IL1RAPL1: variants seen among roughly 807,000 people sequenced by gnomAD.
IL1RAPL1 encodes interleukin 1 receptor accessory protein like 1.
In IL1RAPL1, 3 loss-of-function variants were observed where a neutral mutation model predicts 48.4. The ratio of observed to expected loss-of-function variants is 0.06; its 90% CI spans 0.03 to 0.16. The LOEUF is 0.16. IL1RAPL1 is among the 10% of genes least tolerant of loss of function. IL1RAPL1 has a pLI of 1.00. For synonymous variants in IL1RAPL1, 185 were observed against 187.7 expected (o/e 0.99, Z 0.12); for missense variants, 349 against 530.6 (o/e 0.66, Z 3.36).
At chrX:29,735,278 T>G (rs752980064) in intron 6 of IL1RAPL1, among the ~76,000 whole-genome samples, 4 of 111,701 alleles carry the variant, frequency 3.6e-5, no homozygotes, top group African/African-American at 1.3e-4. Flanking sequence ...TGCATCTCTC[T>G]GACACTGACT....
In IL1RAPL1 at chrX:28,662,078, T is replaced by A. The variant is rs1008602513; in HGVS notation, c.-25+74031T>A. On this transcript the variant is annotated intron_variant, in intron 1 of 10. Transcript: ENST00000378993. ...TCTTTGCTCCTTCAGGTGTTAACCTTTTTTTTTTAGATGGTGGTTGATTGC... is the reference window on the plus strand; with the variant it reads ...TCTTTGCTCCTTCAGGTGTTAACCTATTTTTTTTAGATGGTGGTTGATTGC... 3.6e-3 allele frequency among the ~76,000 whole-genome samples: 394 copies of A among 108,844 alleles called. 1 individual carries two copies. The highest frequency in any genetic ancestry group is 0.012 in the African/African-American group (348 of 30,029). The allele number at this position is 108,844 out of a possible 115,157, so 94.5% of individuals were successfully genotyped here.
chrX:28,777,978 T>TG lies in IL1RAPL1; in HGVS notation c.-24-11339dup, dbSNP rs756617102. ...AATTTTAAGAAACAGTATTATTGCT[T>TG]GGGCCTTTGCTTTTCAAAAGTGTGG... On this transcript the variant is annotated intron_variant, in intron 1 of 10. Transcript: ENST00000378993. 2.2e-4 allele frequency among the ~76,000 whole-genome samples: 25 copies of TG among 111,589 alleles called. No homozygotes were observed. In the East Asian group the frequency reaches 7.1e-3, roughly 32 times the overall value.
chrX:29,579,096 A>C (rs1922874612), intron 5 of IL1RAPL1, among the ~76,000 whole-genome samples: 1 of 111,882 alleles, frequency 8.9e-6, no homozygotes, highest in African/African-American at 3.3e-5. Context: ...TGATGGAAAC[A>C]GTTTCCAGGA....
At chrX:29,789,055 T>G (rs1929570645) in intron 6 of IL1RAPL1, among the ~76,000 whole-genome samples, 1 of 112,173 alleles carries the variant, frequency 8.9e-6, no homozygotes, top group Admixed American at 9.4e-5. Context: ...TCTTACTACA[T>G]TTGCATATGC....
At chrX:29,412,362 G>T (rs909213695) in intron 5 of IL1RAPL1, among the ~76,000 whole-genome samples, 4 of 112,034 alleles carry the variant, frequency 3.6e-5, no homozygotes, top group Admixed American at 9.5e-5. Flanking sequence ...CAAGCACCAT[G>T]TGTCCACTGA....
chrX:29,430,293 C>A (rs767942982), intron 5 of IL1RAPL1, among the ~76,000 whole-genome samples: 7 of 111,129 alleles, frequency 6.3e-5, no homozygotes, highest in East Asian at 2.8e-4. Flanking sequence ...TCTTGGAGAG[C>A]AAGTGCTGTG....
intron 5 of IL1RAPL1, among the ~76,000 whole-genome samples, chrX:29,555,282 A>G (rs1188180201): frequency 1.8e-5 from 2 of 112,665 alleles, no homozygotes; most frequent in Non-Finnish European, 3.8e-5. Context: ...TGTTTGACCT[A>G]CAGAGATATT....
chrX:29,504,349 A>G (rs1423828173), intron 5 of IL1RAPL1, among the ~76,000 whole-genome samples: 1 of 111,413 alleles, frequency 9.0e-6, no homozygotes, highest in Non-Finnish European at 1.9e-5. Flanking sequence ...AGATAGCCCT[A>G]TTTGGTTTAG....
At chrX:29,206,013 G>C in intron 2 of IL1RAPL1, among the ~76,000 whole-genome samples, 1 of 110,887 alleles carries the variant, frequency 9.0e-6, no homozygotes, top group Non-Finnish European at 1.9e-5. Context: ...TGCATGCTGG[G>C]ATTATAGGCG....
At chrX:28,731,639 A>G (rs1601878233) in intron 1 of IL1RAPL1, among the ~76,000 whole-genome samples, 1 of 111,182 alleles carries the variant, frequency 9.0e-6, no homozygotes, top group East Asian at 2.8e-4. Flanking sequence ...GAGACAGGCA[A>G]AGTCCTAGAT....
chrX:28,841,891 T>C (rs1417557158), intron 2 of IL1RAPL1, among the ~76,000 whole-genome samples: 1 of 110,837 alleles, frequency 9.0e-6, no homozygotes, highest in Non-Finnish European at 1.9e-5. Context: ...TAAGTAGAGA[T>C]TCTTATGAAT....
intron 1 of IL1RAPL1, among the ~76,000 whole-genome samples, chrX:28,673,369 G>A (rs984102674): frequency 3.6e-5 from 4 of 112,073 alleles, no homozygotes; most frequent in African/African-American, 1.3e-4. Context: ...AGACTTAAGT[G>A]TAAAACCCAA....
At position 29,065,047 on chromosome X, in the gene IL1RAPL1, CA is replaced by C. The variant is rs1214803389; in HGVS notation, c.83-217886del. Among the ~76,000 whole-genome samples the C allele has an allele frequency of 3.6e-5, 4 of 111,104 alleles. No homozygotes were observed. In the East Asian group the frequency reaches 1.1e-3, roughly 31 times the overall value. On this transcript the variant is annotated intron_variant, in intron 2 of 10. Coordinates refer to ENST00000378993, the MANE Select transcript of IL1RAPL1 (RefSeq NM_014271.4). Reference sequence around the variant, plus strand: ...TCCACCTCATTTGTTTTGTTGTTGTCAAAAATGTTATGTAATACATAAGTTA... The same window carrying C: ...TCCACCTCATTTGTTTTGTTGTTGTCAAAATGTTATGTAATACATAAGTTA...
chrX:28,949,369 A>G (rs944638046), intron 2 of IL1RAPL1, among the ~76,000 whole-genome samples: 16 of 110,983 alleles, frequency 1.4e-4, no homozygotes, highest in Non-Finnish European at 2.3e-4. Context: ...ATTGTCAACA[A>G]TGTATTGATA....
chrX:28,900,960 G>A (rs997417444), intron 2 of IL1RAPL1, among the ~76,000 whole-genome samples: 5 of 111,797 alleles, frequency 4.5e-5, no homozygotes, highest in African/African-American at 6.5e-5. Context: ...CCATTACATA[G>A]TACAAAGAAT....
chrX:29,735,227 A>G (rs1372077925), intron 6 of IL1RAPL1, among the ~76,000 whole-genome samples: 1 of 110,897 alleles, frequency 9.0e-6, no homozygotes, highest in Non-Finnish European at 1.9e-5. Context: ...CTCTTCCTCC[A>G]TCTTCAAAGC....
At chrX:29,311,263 C>T (rs1346780632) in intron 3 of IL1RAPL1, among the ~76,000 whole-genome samples, 1 of 111,936 alleles carries the variant, frequency 8.9e-6, no homozygotes, top group Non-Finnish European at 1.9e-5. Flanking sequence ...AAAGCAATGA[C>T]CTGCTTTATA....
intron 1 of IL1RAPL1, among the ~76,000 whole-genome samples, chrX:28,651,315 A>G (rs993789639): frequency 3.6e-5 from 4 of 112,346 alleles, no homozygotes; most frequent in Non-Finnish European, 7.5e-5. Context: ...GTGTCCATAA[A>G]TATAGTCTTA....
At chrX:29,593,225 C>T (rs774495223) in intron 5 of IL1RAPL1, among the ~76,000 whole-genome samples, 6 of 111,467 alleles carry the variant, frequency 5.4e-5, no homozygotes, top group Admixed American at 3.8e-4. Context: ...ATCCCATTCT[C>T]CAGCCCCTCG....
Sources: gnomAD v4.1 joint callset for allele counts (sites outside exome capture counted in the v4.1 genomes callset) on GRCh38, gnomAD v4.1.1 for gene constraint, MANE v1.5 for transcripts, NCBI Gene and HGNC (gene_info 2026-07-23, HGNC 2026-07-21) for gene names.